Variants in DIXDC1 observed in about 807,000 individuals in gnomAD.
The protein encoded by DIXDC1 is DIX domain containing 1, also known as dixin.
In DIXDC1, 64 loss-of-function variants were observed where a neutral mutation model predicts 103.1. That is an observed-to-expected ratio of 0.62 (90% CI 0.51 to 0.76). The LOEUF is 0.76. Ranked by LOEUF, DIXDC1 falls within the 30% of genes least tolerant of loss-of-function variation. The pLI is 0.00. For missense variants in DIXDC1, 759 were observed against 834.2 expected (o/e 0.91, Z 1.11); for synonymous variants, 266 against 298.5 (o/e 0.89, Z 1.12).
At chr11:111,933,290 G>A (rs781854732), upstream of DIXDC1, among the ~76,000 whole-genome samples, 1 of 152,098 alleles carries the variant, frequency 6.6e-6, no homozygotes, top group Non-Finnish European at 1.5e-5. Context: ...CACCATGCTC[G>A]GCTAATTCTG....
At chr11:111,988,811 C>T (rs762185208) in intron 9 of DIXDC1, 194 bp from the exon 10 acceptor site, 69 of 414,984 alleles carry the variant, frequency 1.7e-4, no homozygotes, top group Non-Finnish European at 1.9e-4. Context: ...CAGGGAAGAA[C>T]GGAATGGTTC....
chr11:111,979,335 G>A (rs149640567), intron 5 of DIXDC1, among the ~76,000 whole-genome samples: 2 of 152,276 alleles, frequency 1.3e-5, no homozygotes, highest in East Asian at 3.9e-4. Context: ...ACTCCTGATC[G>A]TGGTTGTGAG....
intron 1 of DIXDC1, among the ~76,000 whole-genome samples, chr11:111,942,493 G>A (rs1334530458): frequency 1.3e-5 from 2 of 152,218 alleles, no homozygotes; most frequent in African/African-American, 4.8e-5. Flanking sequence ...GATGTGGTAA[G>A]GCAATAGAGA....
At chr11:111,995,256 A>C (rs142630189) in intron 15 of DIXDC1, 147 bp from the exon 16 acceptor site, 13 of 1,329,768 alleles carry the variant, frequency 9.8e-6, no homozygotes, top group Admixed American at 2.1e-5. Context: ...GGCACTTGCT[A>C]TCCAAAATTA....
intron 1 of DIXDC1, among the ~76,000 whole-genome samples, chr11:111,938,458 CTCTT>C (rs1966297327): frequency 6.6e-6 from 1 of 152,174 alleles, no homozygotes; most frequent in African/African-American, 2.4e-5. Flanking sequence ...TTCCATCTCT[CTCTT>C]TCTTCTCTCT....
At chr11:111,985,992 T>G (rs1316699055) in intron 8 of DIXDC1, among the ~76,000 whole-genome samples, 1 of 152,152 alleles carries the variant, frequency 6.6e-6, no homozygotes, top group East Asian at 1.9e-4. Flanking sequence ...CTCTACATAC[T>G]TCCCTGTACA....
intron 19 of DIXDC1, 25 bp from the exon 20 acceptor site, chr11:112,018,931 T>A (rs782767493): frequency 6.2e-7 from 1 of 1,603,298 alleles, no homozygotes. Flanking sequence ...GTTTTTTCAC[T>A]GTGGCTTTTT....
chr11:111,964,901 T>C (rs57903733), intron 2 of DIXDC1, among the ~76,000 whole-genome samples: 12,552 of 152,196 alleles, frequency 0.082, 1,540 homozygotes, highest in African/African-American at 0.26. Context: ...AGGATGAGAA[T>C]AGTCCATGCT....
chr11:111,960,610 GAAAAGA>G (rs1450990668), intron 1 of DIXDC1, among the ~76,000 whole-genome samples: 12 of 142,110 alleles, frequency 8.4e-5, no homozygotes, highest in South Asian at 6.8e-4. Context: ...AAAAAAAAAA[GAAAAGA>G]AAAAGAAAAA....
intron 8 of DIXDC1, 60 bp downstream of exon 8, chr11:111,985,381 A>C: frequency 7.5e-7 from 1 of 1,334,796 alleles, no homozygotes; most frequent in Non-Finnish European, 1.1e-6. Context: ...TGTATTTAGC[A>C]TTTGACACTG....
chr11:111,978,411 C>T (rs1223554107), intron 5 of DIXDC1, among the ~76,000 whole-genome samples: 2 of 151,964 alleles, frequency 1.3e-5, no homozygotes, highest in Non-Finnish European at 2.9e-5. Context: ...ACATGTGCCT[C>T]GGGAGTTTCC....
intron 1 of DIXDC1, among the ~76,000 whole-genome samples, chr11:111,963,443 G>A (rs1299482823): frequency 6.6e-6 from 1 of 152,210 alleles, no homozygotes; most frequent in Non-Finnish European, 1.5e-5. Context: ...AGAAAATAAT[G>A]ACGATTTAAT....
chr11:112,010,170 A>G (rs1861370285), intron 17 of DIXDC1, among the ~76,000 whole-genome samples: 1 of 151,800 alleles, frequency 6.6e-6, no homozygotes, highest in Non-Finnish European at 1.5e-5. Context: ...ATAACAGACA[A>G]ACAGCCAAAT....
At chr11:111,996,662 C>T (rs187353950) in intron 17 of DIXDC1, among the ~76,000 whole-genome samples, 2 of 152,022 alleles carry the variant, frequency 1.3e-5, no homozygotes, top group African/African-American at 4.8e-5. Flanking sequence ...ACCAGCCTGG[C>T]CAACATGGTG....
intron 9 of DIXDC1, among the ~76,000 whole-genome samples, chr11:111,988,553 AC>A (rs1555174127): frequency 6.6e-6 from 1 of 152,164 alleles, no homozygotes; most frequent in East Asian, 1.9e-4. Flanking sequence ...AAAGAACAAT[AC>A]CCTCTTGGAT....
intron 1 of DIXDC1, among the ~76,000 whole-genome samples, chr11:111,943,646 C>T (rs587629277): frequency 3.3e-5 from 5 of 152,026 alleles, no homozygotes; most frequent in South Asian, 2.1e-4. Flanking sequence ...ACTATAGATG[C>T]GTGCCACCAC....
chr11:112,016,621 CTT>C, intron 17 of DIXDC1, 68 bp from the exon 18 acceptor site: 1 of 1,355,064 alleles, frequency 7.4e-7, no homozygotes. Context: ...TCCCGGGACA[CTT>C]TGAATAACTG....
chr11:111,995,059 T>G lies in DIXDC1; in HGVS notation c.1478T>G (p.Phe493Cys). ...AGTCACAACTCTCAAAGCAATGGTTTTCTCCTTCCAACGGCAGGAAAAGGA... is the reference window on the plus strand; with the variant it reads ...AGTCACAACTCTCAAAGCAATGGTTGTCTCCTTCCAACGGCAGGAAAAGGA... Reference protein sequence around the residue: ...YNSHNSQSNGFLLPTAGKGAT... With the variant: ...YNSHNSQSNGCLLPTAGKGAT... Residue 493 changes from phenylalanine to cysteine, a missense_variant, in exon 15 of 20, where the codon TTT becomes TGT. Transcript: ENST00000440460. 6.2e-7 allele frequency: 1 copy of G among 1,613,874 alleles called. No individual in the cohort carries two copies. Among genetic ancestry groups the G allele is most frequent in the Non-Finnish European group, 8.5e-7 (1 of 1,179,902 alleles).
chr11:111,992,454 G>A lies in DIXDC1; in HGVS notation c.1153G>A (p.Val385Ile). Residue 385 changes from valine to isoleucine, a missense_variant, in exon 11 of 20, where the codon GTT (valine) becomes ATT (isoleucine). Coordinates refer to ENST00000440460, the MANE Select transcript of DIXDC1 (RefSeq NM_001037954.4). ...GAGATTGACTCAGCAGGACACATCT[G>A]TTCTTCAGCTCAAACAAGAGCTACT... ...QQRLTQQDTS[V>I]LQLKQELLRA... 6.3e-7 allele frequency: 1 copy of A among 1,583,934 alleles called. No individual in the cohort carries two copies. The highest frequency in any genetic ancestry group is 8.6e-7 in the Non-Finnish European group (1 of 1,164,498).
Sources: allele counts gnomAD v4.1 joint callset (sites outside exome capture counted in the v4.1 genomes callset), GRCh38; gene constraint gnomAD v4.1.1; transcripts MANE v1.5; gene names NCBI Gene and HGNC (gene_info 2026-07-23, HGNC 2026-07-21).